The following SNX29 variants were observed in gnomAD, a reference collection of about 807,000 sequenced individuals.
The protein encoded by SNX29 is sorting nexin-29.
A neutral mutation model predicts 102.1 loss-of-function variants in SNX29; 78 were observed. The observed-to-expected ratio is 0.76, with a 90% confidence interval of 0.64 to 0.92. SNX29 has a LOEUF of 0.92. Ranked by LOEUF, SNX29 falls within the 40% of genes least tolerant of loss-of-function variation. SNX29 has a pLI of 0.00. For synonymous variants in SNX29, 580 were observed against 414.5 expected, an observed-to-expected ratio of 1.40 and a Z score of -4.85; for missense variants, 1,280 against 1,061.7, an observed-to-expected ratio of 1.21 and a Z score of -2.86.
chr16:12,029,406 T>G (rs1430504302), intron 4 of SNX29, among the ~76,000 whole-genome samples: 1 of 140,236 alleles, frequency 7.1e-6, no homozygotes, highest in East Asian at 2.1e-4. Flanking sequence ...AAGCAAAAAT[T>G]AATGAAAAGT....
intron 3 of SNX29, among the ~76,000 whole-genome samples, chr16:12,004,576 G>A (rs1414739448): frequency 6.6e-6 from 1 of 152,026 alleles, no homozygotes; most frequent in South Asian, 2.1e-4. Flanking sequence ...GGAAGGAAAG[G>A]GAAGGGAACT....
At chr16:12,050,416 G>A (rs1335468493) in intron 7 of SNX29, among the ~76,000 whole-genome samples, 6 of 152,162 alleles carry the variant, frequency 3.9e-5, no homozygotes, top group Non-Finnish European at 7.4e-5. Context: ...AAAATGTAGC[G>A]GCTTAAAACC....
At chr16:12,525,349 A>G (rs1450730953) in intron 20 of SNX29, among the ~76,000 whole-genome samples, 1 of 152,152 alleles carries the variant, frequency 6.6e-6, no homozygotes, top group Non-Finnish European at 1.5e-5. Context: ...AAAAAATTAA[A>G]AGAGTTTACA....
At chr16:11,992,931 G>A (rs766242106) in intron 1 of SNX29, among the ~76,000 whole-genome samples, 3 of 152,088 alleles carry the variant, frequency 2.0e-5, no homozygotes, top group Non-Finnish European at 4.4e-5. Flanking sequence ...GGAGGCTGAG[G>A]TGGGTGGATC....
chr16:12,337,240 T>C (rs977759228), intron 15 of SNX29, among the ~76,000 whole-genome samples: 4 of 152,148 alleles, frequency 2.6e-5, no homozygotes, highest in African/African-American at 9.7e-5. Context: ...CCACAGTTGC[T>C]GGAGATAGGT....
chr16:12,436,365 G>C (rs2085538415), intron 18 of SNX29, among the ~76,000 whole-genome samples: 1 of 152,244 alleles, frequency 6.6e-6, no homozygotes, highest in African/African-American at 2.4e-5. Context: ...AGTACCAGGA[G>C]ACAGCGACAG....
chr16:12,065,058 G>A (rs1031103559), intron 9 of SNX29, among the ~76,000 whole-genome samples: 6 of 152,200 alleles, frequency 3.9e-5, no homozygotes, highest in South Asian at 2.1e-4. Context: ...GCTGAGTGTT[G>A]GGAGGGAGAA....
chr16:12,528,481 T>G (rs2076846047), intron 20 of SNX29, among the ~76,000 whole-genome samples: 1 of 152,182 alleles, frequency 6.6e-6, no homozygotes, highest in Non-Finnish European at 1.5e-5. Flanking sequence ...ATTACAGGTG[T>G]GAGCCACCAC....
intron 20 of SNX29, among the ~76,000 whole-genome samples, chr16:12,566,874 G>A (rs537078153): frequency 1.3e-5 from 2 of 152,230 alleles, no homozygotes; most frequent in African/African-American, 2.4e-5. Context: ...AGAAGGCAAA[G>A]CAACAACTTG....
intron 2 of SNX29, among the ~76,000 whole-genome samples, chr16:12,002,720 T>C (rs1413826297): frequency 6.6e-6 from 1 of 152,182 alleles, no homozygotes; most frequent in East Asian, 1.9e-4. Context: ...GCTGTGTGCT[T>C]TTGTTTTTCT....
In SNX29 at chr16:12,145,508, C is replaced by G. The variant is rs566920807; in HGVS notation, c.1595+15750C>G. On this transcript the variant is annotated intron_variant, in intron 13 of 20. Coordinates refer to ENST00000566228, the MANE Select transcript of SNX29 (RefSeq NM_032167.5). ...CCTTAAGTTAGGGTATTTTTCCCCC[C>G]TGCATATGAAAGTAATTTGCAAGTT... Among the ~76,000 whole-genome samples the G allele has an allele frequency of 2.7e-3, 418 of 152,212 alleles. 1 individual carries two copies. Among genetic ancestry groups the G allele is most frequent in the Middle Eastern group, 6.8e-3 (2 of 294 alleles).
At chr16:12,106,240 C>T (rs372010799) in intron 11 of SNX29, among the ~76,000 whole-genome samples, 1 of 152,130 alleles carries the variant, frequency 6.6e-6, no homozygotes, top group South Asian at 2.1e-4. Flanking sequence ...CCAGGAATTG[C>T]ATCGGTGGTG....
chr16:11,981,943 G>T (rs1438451520), intron 1 of SNX29, among the ~76,000 whole-genome samples: 2 of 151,928 alleles, frequency 1.3e-5, no homozygotes, highest in African/African-American at 4.8e-5. Context: ...GATTGCTCAC[G>T]CCTGTAATCT....
At chr16:12,381,375 T>TCATC (rs147339601) in intron 16 of SNX29, among the ~76,000 whole-genome samples, 5,309 of 19,872 alleles carry the variant, frequency 0.27, 1,208 homozygotes, top group East Asian at 0.39. Context: ...CACCGACCCA[T>TCATC]CATCCACCCA....
chr16:12,468,356 G>C (rs996467496), intron 18 of SNX29, among the ~76,000 whole-genome samples: 1 of 151,840 alleles, frequency 6.6e-6, no homozygotes, highest in African/African-American at 2.4e-5. Context: ...TGTATTATTA[G>C]TAGAGACGGG....
chr16:12,492,369 A>G (rs2088595135), intron 19 of SNX29, among the ~76,000 whole-genome samples: 1 of 151,718 alleles, frequency 6.6e-6, no homozygotes, highest in African/African-American at 2.4e-5. Flanking sequence ...CCACTTTTTG[A>G]TGGGGTTGTT....
At chr16:12,400,694 G>C (rs958525225) in intron 17 of SNX29, among the ~76,000 whole-genome samples, 3 of 152,206 alleles carry the variant, frequency 2.0e-5, no homozygotes, top group Non-Finnish European at 1.5e-5. Context: ...TAATTTATCT[G>C]TAACAACTAT....
chr16:12,325,235 T>C (rs890951513), intron 15 of SNX29, among the ~76,000 whole-genome samples: 1 of 152,208 alleles, frequency 6.6e-6, no homozygotes, highest in Admixed American at 6.5e-5. Context: ...GAAAGGCATT[T>C]TTAAGAAAGA....
At chr16:11,992,374 T>C (rs771058949) in intron 1 of SNX29, among the ~76,000 whole-genome samples, 3 of 150,240 alleles carry the variant, frequency 2.0e-5, no homozygotes, top group Non-Finnish European at 4.5e-5. Context: ...TTCAGGGGCA[T>C]TTAGTACAGT....
Sources: allele counts gnomAD v4.1 joint callset (sites outside exome capture counted in the v4.1 genomes callset), GRCh38; gene constraint gnomAD v4.1.1; transcripts MANE v1.5; gene names NCBI Gene and HGNC (gene_info 2026-07-23, HGNC 2026-07-21).